Variants in ABTB3 observed in about 807,000 individuals in gnomAD.
ABTB3 encodes the protein ankyrin repeat and BTB domain containing 3, also known as ankyrin repeat- and BTB/POZ domain-containing protein 3.
the ABTB3 span, among the ~76,000 whole-genome samples, chr12:107,405,934 G>A: frequency 2.6e-5 from 4 of 152,178 alleles, no homozygotes; most frequent in Admixed American, 6.5e-5. Context: ...ATCTGTAAAC[G>A]AAGGCATTGG....
the ABTB3 span, among the ~76,000 whole-genome samples, chr12:107,600,818 G>A: frequency 2.6e-5 from 4 of 152,198 alleles, no homozygotes; most frequent in Admixed American, 1.3e-4. Flanking sequence ...AGCCACTGGA[G>A]CCACGGCAGA....
the ABTB3 span, among the ~76,000 whole-genome samples, chr12:107,428,876 G>GT: frequency 1.3e-5 from 2 of 152,248 alleles, no homozygotes; most frequent in African/African-American, 4.8e-5. Context: ...CAGCATCCCA[G>GT]TGAGGTGGGT....
chr12:107,440,616 C>G, the ABTB3 span, among the ~76,000 whole-genome samples: 1 of 152,154 alleles, frequency 6.6e-6, no homozygotes, highest in Admixed American at 6.5e-5. Flanking sequence ...TGCATGCTTC[C>G]CCAGACCTGG....
the ABTB3 span, among the ~76,000 whole-genome samples, chr12:107,339,328 C>A: frequency 6.6e-6 from 1 of 152,162 alleles, no homozygotes; most frequent in Admixed American, 6.5e-5. Context: ...CCAAAAGAGG[C>A]CATTCTGTGT....
the ABTB3 span, among the ~76,000 whole-genome samples, chr12:107,428,074 C>T: frequency 2.6e-5 from 4 of 152,222 alleles, no homozygotes; most frequent in African/African-American, 9.7e-5. Flanking sequence ...CCTCCCAAAA[C>T]CCAGATCCTT....
chr12:107,648,751 A>T, the ABTB3 span, among the ~76,000 whole-genome samples: 3 of 152,058 alleles, frequency 2.0e-5, no homozygotes, highest in South Asian at 2.1e-4. Flanking sequence ...GGAGGCTTTG[A>T]GTCAAACTGG....
the ABTB3 span, among the ~76,000 whole-genome samples, chr12:107,449,077 C>T: frequency 1.3e-5 from 2 of 152,204 alleles, no homozygotes; most frequent in African/African-American, 4.8e-5. Context: ...TATGTGGCCA[C>T]TTGTTAATCG....
the ABTB3 span, among the ~76,000 whole-genome samples, chr12:107,509,352 G>A: frequency 1.1e-4 from 17 of 152,262 alleles, no homozygotes; most frequent in Non-Finnish European, 2.2e-4. Context: ...AGAATTTTCA[G>A]AATTGAGTTC....
At chr12:107,587,570 G>A in the ABTB3 span, among the ~76,000 whole-genome samples, 2 of 152,072 alleles carry the variant, frequency 1.3e-5, no homozygotes, top group South Asian at 2.1e-4. Context: ...GGAGATAGAC[G>A]GTTGCACAAC....
At chr12:107,365,201 TTAAA>T in the ABTB3 span, among the ~76,000 whole-genome samples, 1 of 152,208 alleles carries the variant, frequency 6.6e-6, no homozygotes, top group Admixed American at 6.5e-5. Context: ...GCTGTGATAA[TTAAA>T]TAAGATAATA....
the ABTB3 span, among the ~76,000 whole-genome samples, chr12:107,508,438 C>CTGTTTTTTTTTTTTTTTTTTTTTTTTTTT: frequency 1.4e-5 from 1 of 69,150 alleles, no homozygotes. Flanking sequence ...AAGATCATTT[C>CTGTTTTTTTTTTTTTTTTTTTTTTTTTTT]TTTTTTTTTT....
the ABTB3 span, among the ~76,000 whole-genome samples, chr12:107,653,022 C>T: frequency 0.025 from 3,777 of 152,250 alleles, 160 homozygotes; most frequent in African/African-American, 0.086. Flanking sequence ...AATTCTCCTG[C>T]CTCAGCCTCC....
the ABTB3 span, among the ~76,000 whole-genome samples, chr12:107,604,737 T>C: frequency 6.6e-6 from 1 of 152,172 alleles, no homozygotes; most frequent in Non-Finnish European, 1.5e-5. Flanking sequence ...ATAGAATTAC[T>C]ATAAGATCCA....
chr12:107,390,810 C>G, the ABTB3 span, among the ~76,000 whole-genome samples: 1 of 152,176 alleles, frequency 6.6e-6, no homozygotes, highest in African/African-American at 2.4e-5. Flanking sequence ...ACTTACATAA[C>G]ACATACCATG....
At chr12:107,319,215 C>A in the ABTB3 span, 1 of 1,582,090 alleles carries the variant, frequency 6.3e-7, no homozygotes, top group Non-Finnish European at 8.5e-7. Flanking sequence ...CGGCTGCTGC[C>A]GGACCTAGAC....
the ABTB3 span, among the ~76,000 whole-genome samples, chr12:107,389,155 G>T: frequency 6.6e-6 from 1 of 152,180 alleles, no homozygotes; most frequent in Admixed American, 6.5e-5. Context: ...GTTGGAAAAT[G>T]GAGCCAGAGG....
the ABTB3 span, among the ~76,000 whole-genome samples, chr12:107,549,081 G>A: frequency 6.6e-6 from 1 of 152,118 alleles, no homozygotes; most frequent in Non-Finnish European, 1.5e-5. Context: ...TTTTGCAAAC[G>A]GAATGTACAG....
the ABTB3 span, among the ~76,000 whole-genome samples, chr12:107,548,755 A>G: frequency 6.6e-6 from 1 of 152,236 alleles, no homozygotes. Flanking sequence ...GGGAGGGGCC[A>G]TGTGAGGGTA....
chr12:107,476,654 G>A, the ABTB3 span, among the ~76,000 whole-genome samples: 3 of 152,024 alleles, frequency 2.0e-5, no homozygotes, highest in Non-Finnish European at 4.4e-5. Flanking sequence ...AGGCTTTCAA[G>A]AGAGGCAATG....
Sources: gnomAD v4.1 joint callset for allele counts (sites outside exome capture counted in the v4.1 genomes callset) on GRCh38, gnomAD v4.1.1 for gene constraint, MANE v1.5 for transcripts, NCBI Gene and HGNC (gene_info 2026-07-23, HGNC 2026-07-21) for gene names.